SLC24A2: variants seen among roughly 807,000 people sequenced by gnomAD.
SLC24A2 encodes solute carrier family 24 member 2.
Under a neutral mutation model 62.0 loss-of-function variants are expected in SLC24A2, and 36 were observed. That is an observed-to-expected ratio of 0.58 (90% CI 0.44 to 0.77). The LOEUF (loss-of-function observed/expected upper bound fraction) is 0.77. SLC24A2 is among the 30% of genes least tolerant of loss of function. The probability of loss-of-function intolerance (pLI) is 0.00; values close to 1 mark genes in which losing one functional copy is unlikely to be tolerated. For missense variants in SLC24A2, 846 were observed against 817.9 expected, an observed-to-expected ratio of 1.03 and a Z score of -0.42; for synonymous variants, 358 against 294.0, an observed-to-expected ratio of 1.22 and a Z score of -2.23.
the SLC24A2 span, among the ~76,000 whole-genome samples, chr9:20,250,598 T>C: frequency 1.3e-5 from 2 of 152,132 alleles, no homozygotes; most frequent in African/African-American, 4.8e-5. Context: ...AGTGGGAATG[T>C]CAGTACCCAT....
the SLC24A2 span, among the ~76,000 whole-genome samples, chr9:20,063,416 G>T: frequency 6.9e-6 from 1 of 145,770 alleles, no homozygotes. Context: ...ACTGCATATT[G>T]TCACTCATAG....
the SLC24A2 span, among the ~76,000 whole-genome samples, chr9:20,191,529 G>C: frequency 2.0e-5 from 3 of 151,890 alleles, no homozygotes; most frequent in African/African-American, 2.4e-5. Flanking sequence ...ACAGTATCTG[G>C]AGAAACTAAG....
At chr9:20,175,344 A>G in the SLC24A2 span, among the ~76,000 whole-genome samples, 4 of 151,964 alleles carry the variant, frequency 2.6e-5, no homozygotes, top group Non-Finnish European at 5.9e-5. Flanking sequence ...GAACTCATTC[A>G]TGTAATCAAA....
the SLC24A2 span, among the ~76,000 whole-genome samples, chr9:20,066,284 AT>A: frequency 2.0e-5 from 3 of 152,224 alleles, no homozygotes; most frequent in Non-Finnish European, 4.4e-5. Context: ...TTGCCTTTAG[AT>A]CTTCAGGCTC....
chr9:20,160,632 TA>T, the SLC24A2 span, among the ~76,000 whole-genome samples: 1 of 151,128 alleles, frequency 6.6e-6, no homozygotes, highest in East Asian at 1.9e-4. Context: ...CCATTTCATG[TA>T]AAAAATTATA....
At chr9:19,517,957 A>ACACTCT (rs71504202) in intron 10 of SLC24A2, among the ~76,000 whole-genome samples, 32 of 135,584 alleles carry the variant, frequency 2.4e-4, no homozygotes, top group African/African-American at 8.4e-4. Flanking sequence ...ACACACACAC[A>ACACTCT]CTCTCACACT....
the SLC24A2 span, among the ~76,000 whole-genome samples, chr9:20,251,096 G>A: frequency 6.6e-6 from 1 of 152,218 alleles, no homozygotes; most frequent in South Asian, 2.1e-4. Context: ...AGTGAAAAAG[G>A]AAAAGCACAT....
the SLC24A2 span, among the ~76,000 whole-genome samples, chr9:20,034,451 G>GTTTTTTTTTTT: frequency 1.2e-5 from 1 of 83,180 alleles, no homozygotes; most frequent in Non-Finnish European, 2.1e-5. Flanking sequence ...GGCCTTTTAA[G>GTTTTTTTTTTT]TTTTTTTTTT....
At chr9:20,123,504 T>C in the SLC24A2 span, among the ~76,000 whole-genome samples, 1 of 152,224 alleles carries the variant, frequency 6.6e-6, no homozygotes, top group Admixed American at 6.5e-5. Flanking sequence ...ATCAAGATTA[T>C]AAACTCAAAA....
the SLC24A2 span, among the ~76,000 whole-genome samples, chr9:19,804,781 A>G: frequency 6.6e-6 from 1 of 152,116 alleles, no homozygotes; most frequent in African/African-American, 2.4e-5. Flanking sequence ...AGATGGTCTC[A>G]TCAGGCTGAG....
the SLC24A2 span, among the ~76,000 whole-genome samples, chr9:19,952,353 G>A: frequency 1.3e-5 from 2 of 151,894 alleles, no homozygotes; most frequent in Non-Finnish European, 2.9e-5. Context: ...TTCAAGTTTT[G>A]AGAGTGGATA....
intron 8 of SLC24A2, among the ~76,000 whole-genome samples, chr9:19,539,339 T>C (rs1817792264): frequency 6.8e-6 from 1 of 146,126 alleles, no homozygotes; most frequent in Non-Finnish European, 1.5e-5. Context: ...CTTGTAGGCA[T>C]TTAGTGCTAT....
At chr9:19,565,790 G>C (rs973782749) in intron 7 of SLC24A2, among the ~76,000 whole-genome samples, 6 of 152,154 alleles carry the variant, frequency 3.9e-5, no homozygotes, top group African/African-American at 1.2e-4. Context: ...GAACAGAACA[G>C]AGCCCCCACT....
At chr9:19,931,632 A>G in the SLC24A2 span, among the ~76,000 whole-genome samples, 2 of 152,200 alleles carry the variant, frequency 1.3e-5, no homozygotes, top group African/African-American at 2.4e-5. Flanking sequence ...AAAATGGTAC[A>G]TGTTATCTTC....
At chr9:19,797,317 T>C in the SLC24A2 span, among the ~76,000 whole-genome samples, 2 of 152,268 alleles carry the variant, frequency 1.3e-5, no homozygotes, top group African/African-American at 4.8e-5. Context: ...CTGTAGCTTA[T>C]TGTGTATTTT....
At chr9:20,074,550 G>A in the SLC24A2 span, among the ~76,000 whole-genome samples, 1 of 116,888 alleles carries the variant, frequency 8.6e-6, no homozygotes, top group East Asian at 2.3e-4. Context: ...AGGAAGAGAA[G>A]AAGGCAGGAA....
chr9:20,295,036 G>GTGTATATA, the SLC24A2 span, among the ~76,000 whole-genome samples: 2 of 145,622 alleles, frequency 1.4e-5, no homozygotes, highest in East Asian at 2.0e-4. Context: ...GTGTATATAT[G>GTGTATATA]TATATATATA....
chr9:19,873,392 C>CTCCT, the SLC24A2 span, among the ~76,000 whole-genome samples: 7 of 138,280 alleles, frequency 5.1e-5, no homozygotes. Flanking sequence ...CTTTCTCTCT[C>CTCCT]TCCTTCCTTC....
the SLC24A2 span, among the ~76,000 whole-genome samples, chr9:20,276,869 C>T: frequency 6.6e-6 from 1 of 152,188 alleles, no homozygotes; most frequent in African/African-American, 2.4e-5. Context: ...TGTATGTTGG[C>T]CCCTTTTAGC....
Sources: allele counts gnomAD v4.1 joint callset (sites outside exome capture counted in the v4.1 genomes callset), GRCh38; gene constraint gnomAD v4.1.1; transcripts MANE v1.5; gene names NCBI Gene and HGNC (gene_info 2026-07-23, HGNC 2026-07-21).